TRPC4: variants seen among roughly 807,000 people sequenced by gnomAD.
TRPC4 encodes transient receptor potential cation channel subfamily C member 4, also known as short transient receptor potential channel 4.
Under a neutral mutation model 99.4 loss-of-function variants are expected in TRPC4, and 49 were observed. That is an observed-to-expected ratio of 0.49 (90% confidence interval 0.39 to 0.63). The LOEUF (loss-of-function observed/expected upper bound fraction) is 0.63, where lower values mean the gene tolerates loss of function less well. TRPC4 is among the 20% of genes least tolerant of loss of function. The probability of loss-of-function intolerance (pLI) is 0.00; values close to 1 mark genes in which losing one functional copy is unlikely to be tolerated. For missense variants in TRPC4, 898 were observed against 1,152.9 expected, an observed-to-expected ratio of 0.78 and a Z score of 3.20; for synonymous variants, 454 against 425.9, an observed-to-expected ratio of 1.07 and a Z score of -0.81.
intron 2 of TRPC4, among the ~76,000 whole-genome samples, chr13:37,746,783 A>C (rs1981057): frequency 0.99 from 150,989 of 152,234 alleles, 74,887 homozygotes; most frequent in Middle Eastern, 1. Context: ...AGCTGACACT[A>C]TTTTCTTTGC....
intron 5 of TRPC4, among the ~76,000 whole-genome samples, chr13:37,666,262 A>G (rs1013765468): frequency 6.6e-6 from 1 of 152,162 alleles, no homozygotes. Flanking sequence ...GAGTTCTGAG[A>G]CACATATTTT....
chr13:37,773,957 G>A (rs555288915), intron 2 of TRPC4, among the ~76,000 whole-genome samples: 1 of 151,866 alleles, frequency 6.6e-6, no homozygotes, highest in South Asian at 2.1e-4. Flanking sequence ...AAATAAATGT[G>A]TAATTATTTC....
rs146173138 is a variant in TRPC4, at chr13:37,652,572, C to G, written c.1885-1113G>C. Among the ~76,000 whole-genome samples the G allele has an allele frequency of 5.9e-3, 338 of 57,118 alleles. 2 individuals carry two copies. Among genetic ancestry groups the G allele is most frequent in the African/African-American group, 0.019 (321 of 17,224 alleles). 37.5% of individuals were successfully genotyped at this position (57,118 alleles called of 152,430 possible). A position where few individuals can be genotyped will look rare whatever the true frequency, so the allele number is the denominator to read the frequency against. On this transcript the variant is annotated intron_variant, in intron 7 of 10. Transcript: ENST00000379705. ...TCGGAACACAGAAGCTGCAGTTTCCCTCCCTTTTTCCCTCCTCTTCCTTTC... is the reference window on the plus strand; with the variant it reads ...TCGGAACACAGAAGCTGCAGTTTCCGTCCCTTTTTCCCTCCTCTTCCTTTC...
intron 3 of TRPC4, among the ~76,000 whole-genome samples, chr13:37,702,587 C>T (rs928828287): frequency 6.6e-6 from 1 of 152,092 alleles, no homozygotes; most frequent in Non-Finnish European, 1.5e-5. Context: ...CATTAGATCC[C>T]TGTCTTCCAA....
chr13:37,833,683 G>A (rs1016058646), intron 1 of TRPC4, among the ~76,000 whole-genome samples: 1 of 152,050 alleles, frequency 6.6e-6, no homozygotes, highest in African/African-American at 2.4e-5. Flanking sequence ...GGGGTTTTGC[G>A]CCTCAACTGT....
chr13:37,791,284 T>C (rs191972291), intron 1 of TRPC4, among the ~76,000 whole-genome samples: 2 of 151,380 alleles, frequency 1.3e-5, no homozygotes, highest in Non-Finnish European at 1.5e-5. Flanking sequence ...TAGTCCCAGC[T>C]ACTTGGGAGG....
At chr13:37,795,779 A>G (rs1255296735) in intron 1 of TRPC4, among the ~76,000 whole-genome samples, 2 of 152,122 alleles carry the variant, frequency 1.3e-5, no homozygotes, top group East Asian at 1.9e-4. Flanking sequence ...ATCCTCTTCT[A>G]ATTTACTTAG....
At chr13:37,853,918 C>G (rs1270443577) in intron 1 of TRPC4, among the ~76,000 whole-genome samples, 1 of 151,744 alleles carries the variant, frequency 6.6e-6, no homozygotes, top group Non-Finnish European at 1.5e-5. Context: ...ATGAAGTATG[C>G]TTATAAGATG....
At chr13:37,837,351 G>A (rs569300205) in intron 1 of TRPC4, among the ~76,000 whole-genome samples, 7 of 152,360 alleles carry the variant, frequency 4.6e-5, no homozygotes, top group African/African-American at 1.7e-4. Context: ...CATGTGCCTG[G>A]AAAAGCTGTG....
intron 1 of TRPC4, among the ~76,000 whole-genome samples, chr13:37,823,710 C>T (rs1039750506): frequency 2.0e-5 from 3 of 148,936 alleles, no homozygotes; most frequent in African/African-American, 4.9e-5. Flanking sequence ...TAGTGTGATG[C>T]CTCCAGCTTT....
At chr13:37,839,449 G>A in intron 1 of TRPC4, among the ~76,000 whole-genome samples, 1 of 152,094 alleles carries the variant, frequency 6.6e-6, no homozygotes, top group East Asian at 1.9e-4. Context: ...TCATTAAAGA[G>A]AACATGATAT....
intron 4 of TRPC4, among the ~76,000 whole-genome samples, chr13:37,685,909 T>A (rs1159728007): frequency 7.0e-6 from 1 of 143,342 alleles, no homozygotes; most frequent in Non-Finnish European, 1.6e-5. Flanking sequence ...ATGAAGATGA[T>A]GTTAAAATAT....
intron 2 of TRPC4, among the ~76,000 whole-genome samples, chr13:37,758,075 A>G (rs1469309809): frequency 6.6e-6 from 1 of 151,936 alleles, no homozygotes. Context: ...TTTGGCTTCC[A>G]TATTATTTTA....
At chr13:37,680,831 C>T (rs771336862) in intron 4 of TRPC4, among the ~76,000 whole-genome samples, 21 of 152,102 alleles carry the variant, frequency 1.4e-4, no homozygotes, top group Non-Finnish European at 3.1e-4. Context: ...AAGTTCATTC[C>T]AACTTAATGA....
intron 4 of TRPC4, among the ~76,000 whole-genome samples, chr13:37,683,742 A>G (rs954784259): frequency 1.3e-5 from 2 of 152,184 alleles, no homozygotes; most frequent in Non-Finnish European, 2.9e-5. Flanking sequence ...GGAGTGAGGA[A>G]GCATGAAGAG....
chr13:37,675,929 A>G (rs1042688632), intron 4 of TRPC4, among the ~76,000 whole-genome samples: 1 of 152,140 alleles, frequency 6.6e-6, no homozygotes, highest in Non-Finnish European at 1.5e-5. Flanking sequence ...GGAAGATCAA[A>G]AGCTGTAGGT....
intron 1 of TRPC4, among the ~76,000 whole-genome samples, chr13:37,833,248 AT>A (rs1474779404): frequency 3.9e-5 from 6 of 151,948 alleles, no homozygotes; most frequent in African/African-American, 1.5e-4. Context: ...CCTGCATTAT[AT>A]TTCTAAAGCT....
intron 5 of TRPC4, among the ~76,000 whole-genome samples, chr13:37,668,999 A>T (rs1952747638): frequency 6.6e-6 from 1 of 152,162 alleles, no homozygotes; most frequent in Admixed American, 6.5e-5. Context: ...ACAATCCCAC[A>T]CTTTGGGGAG....
In TRPC4 at chr13:37,634,320, T is replaced by C. The variant is rs949266113; in HGVS notation, c.*2583A>G. Among the ~76,000 whole-genome samples, 1 of 152,090 alleles carries C rather than the reference T, an allele frequency of 6.6e-6. No individual in the cohort carries two copies. The highest frequency in any genetic ancestry group is 1.5e-5 in the Non-Finnish European group (1 of 67,980). ...ACTCCTCATCTTCATTAATGCTACA[T>C]AATGTCACTACGTATTTAGAATAGC... On this transcript the variant is annotated 3_prime_UTR_variant, in exon 11 of 11. Coordinates refer to ENST00000379705, the MANE Select transcript of TRPC4 (RefSeq NM_016179.4).
Sources: allele counts gnomAD v4.1 joint callset (sites outside exome capture counted in the v4.1 genomes callset), GRCh38; gene constraint gnomAD v4.1.1; transcripts MANE v1.5; gene names NCBI Gene and HGNC (gene_info 2026-07-23, HGNC 2026-07-21).